GNPTAB: variants seen among roughly 807,000 people sequenced by gnomAD.
GNPTAB encodes the protein N-acetylglucosamine-1-phosphate transferase subunits alpha and beta, also known as N-acetylglucosamine-1-phosphotransferase subunits alpha/beta.
In GNPTAB, 92 loss-of-function variants were observed where a neutral mutation model predicts 136.6. The ratio of observed to expected loss-of-function variants is 0.67; its 90% confidence interval spans 0.57 to 0.80. GNPTAB has a LOEUF of 0.80. Among genes scored for constraint, GNPTAB ranks in the 30% least tolerant of loss-of-function variants. The pLI is 0.00. For missense variants in GNPTAB, 1,343 were observed against 1,501.8 expected (o/e 0.89, Z 1.75); for synonymous variants, 512 against 535.1 (o/e 0.96, Z 0.60).
At chr12:101,796,843 A>C in intron 1 of GNPTAB, 81 bp from the exon 2 acceptor site, 1 of 957,214 alleles carries the variant, frequency 1.0e-6, no homozygotes, top group Non-Finnish European at 1.7e-6. Flanking sequence ...ATTTCATTAG[A>C]ATTGCTAGAG....
chr12:101,824,116 C>T (rs1289992031), intron 1 of GNPTAB, among the ~76,000 whole-genome samples: 1 of 152,062 alleles, frequency 6.6e-6, no homozygotes, highest in African/African-American at 2.4e-5. Context: ...TTTCTGGAGA[C>T]GATCCCAGTG....
At chr12:101,781,183 C>A (rs887318184) in intron 5 of GNPTAB, among the ~76,000 whole-genome samples, 1 of 152,098 alleles carries the variant, frequency 6.6e-6, no homozygotes, top group African/African-American at 2.4e-5. Context: ...GGTGACACAG[C>A]CCAACTGGGA....
chr12:101,823,439 G>C (rs1397328137), intron 1 of GNPTAB, among the ~76,000 whole-genome samples: 1 of 151,858 alleles, frequency 6.6e-6, no homozygotes, highest in Admixed American at 6.6e-5. Flanking sequence ...GTGTAACCCC[G>C]TCTCTACTAA....
rs181931133 is a variant in GNPTAB, at chr12:101,781,337, T to C, written c.572-716A>G. Among the ~76,000 whole-genome samples, 4 of 152,256 alleles carry C rather than the reference T, an allele frequency of 2.6e-5. No individual in the cohort carries two copies. The East Asian group carries it at 7.7e-4, about 29-fold the overall frequency. On this transcript the variant is annotated intron_variant, in intron 5 of 20. Coordinates refer to ENST00000299314, the MANE Select transcript of GNPTAB (RefSeq NM_024312.5). ...GCAGGTTCTCCAAATTATAGCCTGATGAGATGAGATGTCAATCCTGGGCAT... is the reference window on the plus strand; with the variant it reads ...GCAGGTTCTCCAAATTATAGCCTGACGAGATGAGATGTCAATCCTGGGCAT...
At chr12:101,793,037 GCTTT>G (rs1337935554) in intron 2 of GNPTAB, among the ~76,000 whole-genome samples, 2 of 152,020 alleles carry the variant, frequency 1.3e-5, no homozygotes, top group African/African-American at 4.8e-5. Context: ...TACACACTTC[GCTTT>G]TTTTCCCCAC....
chr12:101,755,978 C>G (rs10492083), intron 18 of GNPTAB, among the ~76,000 whole-genome samples: 1 of 152,168 alleles, frequency 6.6e-6, no homozygotes, highest in Non-Finnish European at 1.5e-5. Flanking sequence ...ATTATTACTA[C>G]ACATGACGGA....
chr12:101,811,770 C>A (rs965599506), intron 1 of GNPTAB, among the ~76,000 whole-genome samples: 13 of 151,644 alleles, frequency 8.6e-5, no homozygotes, highest in Non-Finnish European at 1.8e-4. Flanking sequence ...TCCCAAGGAG[C>A]TGGGATTACA....
At chr12:101,785,984 T>G in intron 5 of GNPTAB, 28 bp downstream of exon 5, 1 of 1,479,500 alleles carries the variant, frequency 6.8e-7, no homozygotes, top group Non-Finnish European at 9.4e-7. Context: ...GATAACATGA[T>G]TTTAAAATAT....
chr12:101,756,487 T>C (rs532926640), intron 18 of GNPTAB: 8 of 399,610 alleles, frequency 2.0e-5, no homozygotes, highest in East Asian at 1.9e-4. Context: ...GGTGGGAGGA[T>C]TGCTTGAGCC....
intron 18 of GNPTAB, among the ~76,000 whole-genome samples, chr12:101,756,736 T>C (rs1312199106): frequency 6.6e-6 from 1 of 152,258 alleles, no homozygotes; most frequent in Non-Finnish European, 1.5e-5. Flanking sequence ...TGTTAAGACT[T>C]AGGTAAACCT....
chr12:101,764,441 T>C lies in GNPTAB; in HGVS notation c.2476A>G (p.Ile826Val), dbSNP rs553711125. Residue 826 changes from isoleucine (I) to valine (V), a missense_variant, in exon 13 of 21, where the codon ATA becomes GTA. Transcript: ENST00000299314. ...FRVETHTQKT[I>V]GGNVTKEKPP... ...TTTTCTTTTGTCACATTTCCGCCTATGGTTTTTTGGGTGTGAGTTTCCACT... is the reference window on the plus strand; with the variant it reads ...TTTTCTTTTGTCACATTTCCGCCTACGGTTTTTTGGGTGTGAGTTTCCACT... The C allele has an allele frequency of 1.7e-5, 27 of 1,613,632 alleles. No individual in the cohort carries two copies. Among genetic ancestry groups the C allele is most frequent in the South Asian group, 3.3e-5 (3 of 91,036 alleles).
chr12:101,786,230 A>ATTG lies in GNPTAB; in HGVS notation c.366-14_366-13insCAA, dbSNP rs776610355. 6.3e-7 allele frequency: 1 copy of ATTG among 1,594,062 alleles called. No individual in the cohort carries two copies. The highest frequency in any genetic ancestry group is 8.6e-7 in the Non-Finnish European group (1 of 1,163,708). ...TAACTGCTTCTCACTGGAAAGAAACACCAACATGCTTACAATTACATTCTT... is the reference window on the plus strand; with the variant it reads ...TAACTGCTTCTCACTGGAAAGAAACATTGCCAACATGCTTACAATTACATTCTT... On this transcript the variant is annotated splice_polypyrimidine_tract_variant and intron_variant, in intron 4 of 20. Coordinates refer to ENST00000299314, the MANE Select transcript of GNPTAB (RefSeq NM_024312.5).
At chr12:101,796,384 G>T in intron 2 of GNPTAB, 1 of 667,938 alleles carries the variant, frequency 1.5e-6, no homozygotes, top group South Asian at 1.6e-5. Flanking sequence ...TTCTTCAGAT[G>T]GACATATTTT....
At chr12:101,759,883 G>C in intron 16 of GNPTAB, 147 bp downstream of exon 16, 5 of 674,520 alleles carry the variant, frequency 7.4e-6, no homozygotes, top group South Asian at 6.3e-5. Flanking sequence ...TGAATGATTC[G>C]GATTACCTGT....
At chr12:101,827,421 T>C (rs1358592287) in intron 1 of GNPTAB, among the ~76,000 whole-genome samples, 1 of 151,996 alleles carries the variant, frequency 6.6e-6, no homozygotes, top group Non-Finnish European at 1.5e-5. Context: ...TTTTTTTTTG[T>C]AGAGACAGGG....
chr12:101,830,410 A>G (rs1871305145), intron 1 of GNPTAB, 149 bp downstream of exon 1: 3 of 626,360 alleles, frequency 4.8e-6, no homozygotes, highest in Non-Finnish European at 8.9e-6. Context: ...CGATCGCCTG[A>G]GCTCAGGAGT....
In GNPTAB at chr12:101,764,601, T is replaced by C. The variant is rs375968069; in HGVS notation, c.2316A>G (p.Lys772=). 27 of 1,613,994 alleles carry C rather than the reference T, an allele frequency of 1.7e-5. No individual in the cohort carries two copies. The African/African-American group carries it at 2.8e-4, about 17-fold the overall frequency. Reference sequence around the variant, plus strand: ...CTCCTAAGCTGTTTGGCAAGATGCTTTTATGAACCTGTTTTTCCTGTGGAG... The same window carrying C: ...CTCCTAAGCTGTTTGGCAAGATGCTCTTATGAACCTGTTTTTCCTGTGGAG... ...LVAPQEKQVH[K]SILPNSLGVS... Residue 772 remains lysine (K), a synonymous_variant, in exon 13 of 21, where the codon AAA becomes AAG. Coordinates refer to ENST00000299314, the MANE Select transcript of GNPTAB (RefSeq NM_024312.5).
At chr12:101,758,259 G>C (rs1439082131) in intron 16 of GNPTAB, among the ~76,000 whole-genome samples, 1 of 152,102 alleles carries the variant, frequency 6.6e-6, no homozygotes, top group Non-Finnish European at 1.5e-5. Flanking sequence ...GGCTGGTCTC[G>C]AACTCCTGAC....
At position 101,828,448 on chromosome 12, in the gene GNPTAB, A is replaced by G. The variant is rs146946788; in HGVS notation, c.117+2111T>C. The stretch of plus-strand genomic sequence containing the variant: ...ACCAAAGCAAGCGAATCATGAGGTC[A>G]GGAGTTCGAGACCAGTCTGGCCAAC... On this transcript the variant is annotated intron_variant, in intron 1 of 20. Coordinates refer to ENST00000299314, the MANE Select transcript of GNPTAB (RefSeq NM_024312.5). Among the ~76,000 whole-genome samples the G allele has an allele frequency of 6.7e-3, 1,021 of 152,290 alleles. 17 individuals carry two copies. Among genetic ancestry groups the G allele is most frequent in the African/African-American group, 0.023 (966 of 41,572 alleles).
Sources: allele counts gnomAD v4.1 joint callset (sites outside exome capture counted in the v4.1 genomes callset), GRCh38; gene constraint gnomAD v4.1.1; transcripts MANE v1.5; gene names NCBI Gene and HGNC (gene_info 2026-07-23, HGNC 2026-07-21).